The following REEP3 variants were observed in gnomAD, a reference collection of about 807,000 sequenced individuals.
REEP3 encodes the protein receptor accessory protein 3, also known as receptor expression-enhancing protein 3.
Under a neutral mutation model 41.3 loss-of-function variants are expected in REEP3, and 20 were observed. The ratio of observed to expected loss-of-function variants is 0.48; its 90% confidence interval spans 0.34 to 0.70. The LOEUF is 0.70. Among genes scored for constraint, REEP3 ranks in the 30% least tolerant of loss-of-function variants. The pLI, the probability that REEP3 is intolerant of heterozygous loss-of-function variation, is 0.01. For synonymous variants in REEP3, 104 were observed against 101.8 expected, an observed-to-expected ratio of 1.02 and a Z score of -0.13; for missense variants, 271 against 308.8, an observed-to-expected ratio of 0.88 and a Z score of 0.92.
chr10:63,571,960 A>G (rs1955856402), intron 2 of REEP3, among the ~76,000 whole-genome samples: 1 of 152,170 alleles, frequency 6.6e-6, no homozygotes, highest in Non-Finnish European at 1.5e-5. Flanking sequence ...GTAAAAGTTG[A>G]AACAGCCTTC....
intron 1 of REEP3, among the ~76,000 whole-genome samples, chr10:63,564,592 C>T (rs1326562784): frequency 4.0e-5 from 6 of 151,290 alleles, no homozygotes; most frequent in Admixed American, 2.0e-4. Context: ...CACTGCACTC[C>T]AGTCTGGGCG....
At chr10:63,554,299 G>A (rs958338521) in intron 1 of REEP3, among the ~76,000 whole-genome samples, 1 of 152,142 alleles carries the variant, frequency 6.6e-6, no homozygotes, top group Non-Finnish European at 1.5e-5. Context: ...ATTAAAGGGT[G>A]TGATGATTGT....
chr10:63,590,048 G>A lies in REEP3; in HGVS notation c.106-4730G>A, dbSNP rs1003834429. Among the ~76,000 whole-genome samples the A allele has an allele frequency of 2.0e-5, 3 of 152,046 alleles. No homozygotes were observed. In the South Asian group the frequency reaches 6.2e-4, roughly 32 times the overall value. ...GACCTCAAGTGATCCGCCCACCTCA[G>A]CCTCCCAAAGTGCCAAGATTACAGG... On this transcript the variant is annotated intron_variant, in intron 2 of 7. Transcript: ENST00000373758.
At chr10:63,610,811 C>A (rs967746499) in intron 6 of REEP3, among the ~76,000 whole-genome samples, 1 of 152,120 alleles carries the variant, frequency 6.6e-6, no homozygotes, top group African/African-American at 2.4e-5. Context: ...TGGCTCACAC[C>A]GTTAATCCCA....
In REEP3 at chr10:63,552,802, C is replaced by A. The variant is rs531747208; in HGVS notation, c.33-13536C>A. Among the ~76,000 whole-genome samples the A allele has an allele frequency of 1.0e-3, 157 of 152,320 alleles. 2 individuals are homozygous for A. Among genetic ancestry groups the A allele is most frequent in the Non-Finnish European group, 1.1e-3 (72 of 68,026 alleles). Reference sequence around the variant, plus strand: ...ACACAGGGGGCTTGCTAGTGCCAAGCAGCCAGTCTGCTGGTTTTGTGCTGT... The same window carrying A: ...ACACAGGGGGCTTGCTAGTGCCAAGAAGCCAGTCTGCTGGTTTTGTGCTGT... On this transcript the variant is annotated intron_variant, in intron 1 of 7. Coordinates refer to ENST00000373758, the MANE Select transcript of REEP3 (RefSeq NM_001001330.3).
intron 1 of REEP3, among the ~76,000 whole-genome samples, chr10:63,538,352 A>G (rs1044225487): frequency 6.6e-6 from 1 of 152,348 alleles, no homozygotes; most frequent in Non-Finnish European, 1.5e-5. Context: ...TTCTAAACCT[A>G]TCAGTGGGAG....
At chr10:63,590,046 C>T (rs962119700) in intron 2 of REEP3, among the ~76,000 whole-genome samples, 4 of 152,074 alleles carry the variant, frequency 2.6e-5, no homozygotes, top group Admixed American at 2.0e-4. Context: ...CCGCCCACCT[C>T]AGCCTCCCAA....
chr10:63,619,518 T>TG (rs1307858027), intron 6 of REEP3, 137 bp from the exon 7 acceptor site: 2 of 636,874 alleles, frequency 3.1e-6, no homozygotes, highest in African/African-American at 3.6e-5. Flanking sequence ...ATAAAGGGCA[T>TG]GGAGCACATT....
chr10:63,521,619 A>AG, intron 1 of REEP3, 42 bp downstream of exon 1: 1 of 1,355,590 alleles, frequency 7.4e-7, no homozygotes, highest in South Asian at 1.6e-5. Context: ...CGCGAGGCCC[A>AG]GGGGAGCTGT....
At chr10:63,575,389 T>C (rs1480572207) in intron 2 of REEP3, among the ~76,000 whole-genome samples, 1 of 152,242 alleles carries the variant, frequency 6.6e-6, no homozygotes, top group Non-Finnish European at 1.5e-5. Context: ...TAGTCAATTT[T>C]GCTAAACCCT....
At chr10:63,615,150 G>C (rs555288298) in intron 6 of REEP3, among the ~76,000 whole-genome samples, 1 of 152,154 alleles carries the variant, frequency 6.6e-6, no homozygotes, top group South Asian at 2.1e-4. Flanking sequence ...ATACATAAGA[G>C]AAAGTTTGGA....
chr10:63,548,903 G>A (rs920884475), intron 1 of REEP3, among the ~76,000 whole-genome samples: 1 of 151,674 alleles, frequency 6.6e-6, no homozygotes, highest in African/African-American at 2.4e-5. Context: ...ATATACTACT[G>A]TTACATGTAA....
At chr10:63,556,470 A>G (rs1014781314) in intron 1 of REEP3, among the ~76,000 whole-genome samples, 2 of 115,476 alleles carry the variant, frequency 1.7e-5, no homozygotes, top group Non-Finnish European at 3.8e-5. Flanking sequence ...ATATTAGAGA[A>G]CTAATACTCA....
intron 2 of REEP3, among the ~76,000 whole-genome samples, chr10:63,570,457 A>T (rs1955842426): frequency 6.6e-6 from 1 of 152,168 alleles, no homozygotes; most frequent in South Asian, 2.1e-4. Context: ...CTTTTTATTT[A>T]ACTTTGATTG....
intron 5 of REEP3, chr10:63,599,627 T>A: frequency 1.1e-6 from 1 of 902,756 alleles, no homozygotes; most frequent in Non-Finnish European, 1.3e-6. Flanking sequence ...GTTCTTTCTC[T>A]CTCTTTTTTT....
At chr10:63,557,450 C>T (rs1030635170) in intron 1 of REEP3, among the ~76,000 whole-genome samples, 8 of 152,086 alleles carry the variant, frequency 5.3e-5, no homozygotes, top group Admixed American at 2.6e-4. Context: ...TGTTTCCATG[C>T]TTATCTTTGG....
intron 1 of REEP3, among the ~76,000 whole-genome samples, chr10:63,549,804 G>A (rs976663790): frequency 3.3e-5 from 5 of 152,168 alleles, no homozygotes; most frequent in African/African-American, 4.8e-5. Context: ...AATGATCCAC[G>A]TGGGGAAGAG....
At chr10:63,601,621 A>G (rs1387320604) in intron 5 of REEP3, among the ~76,000 whole-genome samples, 1 of 152,156 alleles carries the variant, frequency 6.6e-6, no homozygotes, top group African/African-American at 2.4e-5. Context: ...CAGGGATGAT[A>G]CTAAAACCAG....
chr10:63,571,403 T>C (rs1955851002), intron 2 of REEP3, among the ~76,000 whole-genome samples: 1 of 152,154 alleles, frequency 6.6e-6, no homozygotes, highest in Admixed American at 6.5e-5. Flanking sequence ...TGTTTCCCTG[T>C]CTACTCCAGC....
Sources: gnomAD v4.1 joint callset for allele counts (sites outside exome capture counted in the v4.1 genomes callset) on GRCh38, gnomAD v4.1.1 for gene constraint, MANE v1.5 for transcripts, NCBI Gene and HGNC (gene_info 2026-07-23, HGNC 2026-07-21) for gene names.